The following PPP2R5C variants were observed in gnomAD, a reference collection of about 807,000 sequenced individuals.
PPP2R5C encodes the protein serine/threonine-protein phosphatase 2A 56 kDa regulatory subunit gamma isoform.
PPP2R5C carries 7 observed loss-of-function variants against 68.9 expected under a neutral mutation model. The ratio of observed to expected loss-of-function variants is 0.10; its 90% confidence interval spans 0.06 to 0.19. The LOEUF (loss-of-function observed/expected upper bound fraction) is 0.19. PPP2R5C is among the 10% of genes least tolerant of loss of function. The probability of loss-of-function intolerance (pLI) is 1.00; values close to 1 mark genes in which losing one functional copy is unlikely to be tolerated. For synonymous variants in PPP2R5C, 210 were observed against 222.2 expected (o/e 0.95, Z 0.49); for missense variants, 348 against 641.3 (o/e 0.54, Z 4.94).
chr14:101,796,699 G>A (rs2038626636), intron 3 of PPP2R5C: 1 of 167,714 alleles, frequency 6.0e-6, no homozygotes, highest in Non-Finnish European at 1.3e-5. Context: ...CATGACCTTG[G>A]CCGTTACTCC....
intron 13 of PPP2R5C, among the ~76,000 whole-genome samples, chr14:101,920,327 C>G (rs552504219): frequency 9.8e-5 from 15 of 152,300 alleles, no homozygotes; most frequent in Admixed American, 3.3e-4. Flanking sequence ...GGAGGGTTAC[C>G]TTATACAGTG....
chr14:101,792,581 T>C (rs574396006), intron 3 of PPP2R5C, among the ~76,000 whole-genome samples: 22 of 152,374 alleles, frequency 1.4e-4, no homozygotes, highest in Non-Finnish European at 2.6e-4. Flanking sequence ...CAGTTCCCTC[T>C]AATGGTGACA....
chr14:101,843,007 A>T (rs1402334054), intron 1 of PPP2R5C, among the ~76,000 whole-genome samples: 1 of 152,068 alleles, frequency 6.6e-6, no homozygotes, highest in Non-Finnish European at 1.5e-5. Context: ...GGAAAGATTG[A>T]TTGAGCCCAG....
chr14:101,786,992 T>C (rs909157682), intron 3 of PPP2R5C, among the ~76,000 whole-genome samples: 2 of 152,212 alleles, frequency 1.3e-5, no homozygotes, highest in African/African-American at 4.8e-5. Context: ...TGGCTCGCGC[T>C]TATAATCTCA....
intron 2 of PPP2R5C, among the ~76,000 whole-genome samples, chr14:101,859,034 G>T (rs2042601542): frequency 6.6e-6 from 1 of 152,154 alleles, no homozygotes; most frequent in African/African-American, 2.4e-5. Context: ...GTATTAACTT[G>T]TTTCCCACCC....
chr14:101,834,586 G>A (rs2040963755), intron 1 of PPP2R5C, among the ~76,000 whole-genome samples: 1 of 152,218 alleles, frequency 6.6e-6, no homozygotes, highest in African/African-American at 2.4e-5. Flanking sequence ...CTGGTGCGTT[G>A]CCAGCCCTGG....
At chr14:101,903,377 C>G (rs927535157) in intron 9 of PPP2R5C, among the ~76,000 whole-genome samples, 6 of 152,150 alleles carry the variant, frequency 3.9e-5, no homozygotes, top group African/African-American at 1.4e-4. Context: ...CCAAGGTGGC[C>G]GCGCAGCTGC....
chr14:101,838,055 T>C (rs67343520), intron 1 of PPP2R5C, among the ~76,000 whole-genome samples: 32,415 of 152,154 alleles, frequency 0.21, 3,993 homozygotes, highest in African/African-American at 0.34. Context: ...TGTTATTAAA[T>C]AAGAATCAAA....
chr14:101,842,537 G>A (rs557940928), intron 1 of PPP2R5C, among the ~76,000 whole-genome samples: 1 of 152,296 alleles, frequency 6.6e-6, no homozygotes, highest in African/African-American at 2.4e-5. Flanking sequence ...GTGTGCTGGT[G>A]ACAGGCATGA....
chr14:101,775,288 T>C (rs7157194), intron 2 of PPP2R5C, among the ~76,000 whole-genome samples: 10,015 of 152,222 alleles, frequency 0.066, 1,121 homozygotes, highest in African/African-American at 0.23. Flanking sequence ...AAGAGCTGCT[T>C]GTTTCATTTG....
chr14:101,843,027 A>C (rs1204278433), intron 1 of PPP2R5C, among the ~76,000 whole-genome samples: 3 of 151,940 alleles, frequency 2.0e-5, no homozygotes, highest in Non-Finnish European at 4.4e-5. Context: ...GGAGTTCAAG[A>C]CCAACCTGGG....
At chr14:101,896,260 T>G (rs1330557856) in intron 8 of PPP2R5C, among the ~76,000 whole-genome samples, 1 of 151,776 alleles carries the variant, frequency 6.6e-6, no homozygotes, top group Non-Finnish European at 1.5e-5. Flanking sequence ...CCTCAAGTGA[T>G]CCACCCGCCT....
At chr14:101,853,565 C>T (rs771595564) in intron 1 of PPP2R5C, among the ~76,000 whole-genome samples, 3 of 152,084 alleles carry the variant, frequency 2.0e-5, no homozygotes, top group Non-Finnish European at 2.9e-5. Flanking sequence ...GTTTATAACG[C>T]GAATGATGCT....
chr14:101,890,001 A>G (rs560160050), intron 5 of PPP2R5C: 3 of 622,506 alleles, frequency 4.8e-6, no homozygotes, highest in Non-Finnish European at 8.9e-6. Flanking sequence ...ATTTTCCAAA[A>G]TAAAATATTG....
chr14:101,771,222 C>CATGT (rs373554849), intron 2 of PPP2R5C, among the ~76,000 whole-genome samples: 1 of 135,396 alleles, frequency 7.4e-6, no homozygotes, highest in Non-Finnish European at 1.6e-5. Context: ...TTCTTCATCT[C>CATGT]GTGTGTGTGT....
intron 1 of PPP2R5C, chr14:101,818,582 C>T (rs1299953242): frequency 3.7e-5 from 6 of 160,384 alleles, no homozygotes; most frequent in South Asian, 3.1e-4. Flanking sequence ...TGCAGTGAGC[C>T]GAGATCACGC....
At chr14:101,911,260 C>T (rs538895355) in intron 11 of PPP2R5C, among the ~76,000 whole-genome samples, 120 of 151,642 alleles carry the variant, frequency 7.9e-4, no homozygotes, top group African/African-American at 2.8e-3. Flanking sequence ...GGCGACAGAG[C>T]GAGACTCCGT....
At position 101,874,312 on chromosome 14, in the gene PPP2R5C, A is replaced by G. The variant is rs115420393; in HGVS notation, c.295-7849A>G. On this transcript the variant is annotated intron_variant, in intron 2 of 13. Transcript: ENST00000334743. ...TACCTTACTGCAAAAAGAAATCAGAATACATGATAAAGCAAATATATTAGA... is the reference window on the plus strand; with the variant it reads ...TACCTTACTGCAAAAAGAAATCAGAGTACATGATAAAGCAAATATATTAGA... 4.5e-3 allele frequency among the ~76,000 whole-genome samples: 687 copies of G among 152,370 alleles called. 7 individuals are homozygous for G. The highest frequency in any genetic ancestry group is 0.016 in the African/African-American group (656 of 41,592).
intron 1 of PPP2R5C, among the ~76,000 whole-genome samples, chr14:101,821,452 G>GGTGTGTGTGTGTGT (rs71116851): frequency 9.9e-5 from 12 of 121,430 alleles, no homozygotes; most frequent in African/African-American, 1.8e-4. Context: ...TGGGTGGGTG[G>GGTGTGTGTGTGTGT]GTGTGTGTGT....
Sources: allele counts gnomAD v4.1 joint callset (sites outside exome capture counted in the v4.1 genomes callset), GRCh38; gene constraint gnomAD v4.1.1; transcripts MANE v1.5; gene names NCBI Gene and HGNC (gene_info 2026-07-23, HGNC 2026-07-21).